LYPD6B: variants seen among roughly 807,000 people sequenced by gnomAD.
LYPD6B encodes the protein LY6/PLAUR domain containing 6B.
A neutral mutation model predicts 22.8 loss-of-function variants in LYPD6B; 17 were observed. That is an observed-to-expected ratio of 0.75 (90% CI 0.51 to 1.12). LYPD6B has a LOEUF of 1.12. LYPD6B is among the 50% of genes most tolerant of loss of function. The probability of loss-of-function intolerance (pLI) is 0.00; values close to 1 mark genes in which losing one functional copy is unlikely to be tolerated. For synonymous variants in LYPD6B, 106 were observed against 91.6 expected (o/e 1.16, Z -0.90); for missense variants, 221 against 258.3 (o/e 0.86, Z 0.99).
chr2:149,080,771 G>A (rs1685085655), intron 1 of LYPD6B, among the ~76,000 whole-genome samples: 1 of 149,132 alleles, frequency 6.7e-6, no homozygotes, highest in Admixed American at 6.8e-5. Flanking sequence ...GAACCTGGGA[G>A]GTGGAGGTTG....
intron 1 of LYPD6B, among the ~76,000 whole-genome samples, chr2:149,113,780 G>A (rs932444558): frequency 5.3e-5 from 8 of 152,070 alleles, no homozygotes; most frequent in Non-Finnish European, 1.2e-4. Flanking sequence ...TCTGGGCAGG[G>A]CTTTTTCTGA....
intron 1 of LYPD6B, among the ~76,000 whole-genome samples, chr2:149,055,620 C>G (rs1301325210): frequency 6.6e-6 from 1 of 152,088 alleles, no homozygotes; most frequent in Non-Finnish European, 1.5e-5. Flanking sequence ...TTGATTCCTG[C>G]TTTATCTTTT....
chr2:149,194,797 G>A (rs1241958716), intron 3 of LYPD6B, among the ~76,000 whole-genome samples: 1 of 152,182 alleles, frequency 6.6e-6, no homozygotes, highest in East Asian at 1.9e-4. Context: ...AGGGTGGAGA[G>A]GGATAGAGGG....
chr2:149,185,704 T>C (rs1692051155), intron 3 of LYPD6B, among the ~76,000 whole-genome samples: 1 of 152,222 alleles, frequency 6.6e-6, no homozygotes, highest in Admixed American at 6.5e-5. Flanking sequence ...TTTCTGCAAA[T>C]GGAAGGTTTA....
At chr2:149,040,745 C>T (rs1021980202) in intron 1 of LYPD6B, among the ~76,000 whole-genome samples, 5 of 152,194 alleles carry the variant, frequency 3.3e-5, no homozygotes, top group Admixed American at 2.6e-4. Flanking sequence ...TGCTCACCAG[C>T]GCCTAAAGGT....
chr2:149,182,326 A>G (rs564276775), intron 3 of LYPD6B, among the ~76,000 whole-genome samples: 19 of 152,328 alleles, frequency 1.2e-4, no homozygotes, highest in Non-Finnish European at 2.5e-4. Flanking sequence ...TTAAAACTCC[A>G]TGGTGGTTAT....
At chr2:149,122,228 G>T (rs976701953) in intron 1 of LYPD6B, among the ~76,000 whole-genome samples, 1 of 152,080 alleles carries the variant, frequency 6.6e-6, no homozygotes, top group Non-Finnish European at 1.5e-5. Context: ...TGCCGAGATC[G>T]TGTCACAAGT....
chr2:149,162,612 A>G (rs924724604), intron 3 of LYPD6B, among the ~76,000 whole-genome samples: 1 of 152,194 alleles, frequency 6.6e-6, no homozygotes, highest in African/African-American at 2.4e-5. Context: ...TAAGTAGTTC[A>G]AGATCGTTAA....
At chr2:149,060,284 T>G (rs938323891) in intron 1 of LYPD6B, among the ~76,000 whole-genome samples, 2 of 152,124 alleles carry the variant, frequency 1.3e-5, no homozygotes, top group Admixed American at 6.5e-5. Flanking sequence ...TGTGGGCAAG[T>G]TACTTAACTG....
At chr2:149,194,861 G>A (rs1692710547) in intron 3 of LYPD6B, among the ~76,000 whole-genome samples, 1 of 152,158 alleles carries the variant, frequency 6.6e-6, no homozygotes, top group Non-Finnish European at 1.5e-5. Flanking sequence ...CCCTTTCACC[G>A]ACTGGGATAG....
chr2:149,156,247 G>A (rs180832188), intron 2 of LYPD6B, among the ~76,000 whole-genome samples: 1 of 152,166 alleles, frequency 6.6e-6, no homozygotes, highest in African/African-American at 2.4e-5. Context: ...GGATCTTCAG[G>A]AAGTTTATGA....
At chr2:149,124,043 C>T (rs776910654) in intron 1 of LYPD6B, among the ~76,000 whole-genome samples, 1 of 152,196 alleles carries the variant, frequency 6.6e-6, no homozygotes, top group South Asian at 2.1e-4. Flanking sequence ...AGGACCCACT[C>T]CTGTGGAATC....
chr2:149,142,538 G>C (rs1688756796), intron 2 of LYPD6B, among the ~76,000 whole-genome samples: 1 of 152,122 alleles, frequency 6.6e-6, no homozygotes, highest in Non-Finnish European at 1.5e-5. Context: ...TAAATTAGGG[G>C]AACAGGACAG....
intron 1 of LYPD6B, among the ~76,000 whole-genome samples, chr2:149,083,248 A>G (rs948648037): frequency 4.6e-5 from 7 of 152,212 alleles, no homozygotes; most frequent in African/African-American, 1.7e-4. Flanking sequence ...AGTTTCAGAC[A>G]TCATAGCATT....
intron 1 of LYPD6B, among the ~76,000 whole-genome samples, chr2:149,050,209 T>C (rs1219111332): frequency 2.0e-5 from 3 of 152,036 alleles, no homozygotes; most frequent in Admixed American, 6.6e-5. Context: ...TTGTGACTTC[T>C]GTCAAGTTTT....
intron 1 of LYPD6B, among the ~76,000 whole-genome samples, chr2:149,040,817 T>C (rs569018858): frequency 2.0e-5 from 3 of 152,388 alleles, no homozygotes. Flanking sequence ...CTTCATCTAA[T>C]GCATGGAGGG....
At chr2:149,111,380 G>T (rs533048657) in intron 1 of LYPD6B, among the ~76,000 whole-genome samples, 15 of 152,288 alleles carry the variant, frequency 9.8e-5, no homozygotes, top group African/African-American at 3.1e-4. Flanking sequence ...GGCCTAAGGA[G>T]TTGGTAGTGG....
At chr2:149,183,880 T>C (rs1316470033) in intron 3 of LYPD6B, among the ~76,000 whole-genome samples, 3 of 151,906 alleles carry the variant, frequency 2.0e-5, no homozygotes, top group Non-Finnish European at 2.9e-5. Flanking sequence ...TATATATATA[T>C]GCCTGTATTT....
chr2:149,125,221 C>G (rs1423530884), intron 1 of LYPD6B, among the ~76,000 whole-genome samples: 3 of 152,170 alleles, frequency 2.0e-5, no homozygotes, highest in Non-Finnish European at 4.4e-5. Context: ...TCACTAATCT[C>G]CAACCCTGTT....
Sources: allele counts gnomAD v4.1 joint callset (sites outside exome capture counted in the v4.1 genomes callset), GRCh38; gene constraint gnomAD v4.1.1; transcripts MANE v1.5; gene names NCBI Gene and HGNC (gene_info 2026-07-23, HGNC 2026-07-21).